Variants in KIAA1217 observed in about 807,000 individuals in gnomAD.
The protein encoded by KIAA1217 is KIAA1217, also known as sickle tail protein homolog.
In KIAA1217, 88 loss-of-function variants were observed where a neutral mutation model predicts 163.9. The observed-to-expected ratio is 0.54, with a 90% confidence interval of 0.45 to 0.64. The LOEUF (loss-of-function observed/expected upper bound fraction) is 0.64, where lower values mean the gene tolerates loss of function less well. KIAA1217 is among the 30% of genes least tolerant of loss of function. KIAA1217 has a pLI of 0.00. For missense variants in KIAA1217, 2,372 were observed against 2,475.0 expected (o/e 0.96, Z 0.88); for synonymous variants, 903 against 923.1 (o/e 0.98, Z 0.39).
chr10:24,356,419 G>A (rs921530236), intron 2 of KIAA1217, among the ~76,000 whole-genome samples: 2 of 152,234 alleles, frequency 1.3e-5, no homozygotes, highest in Non-Finnish European at 2.9e-5. Flanking sequence ...TTTGCAAAAA[G>A]CACTTAGAGC....
intron 2 of KIAA1217, among the ~76,000 whole-genome samples, chr10:24,103,798 C>T (rs1486138804): frequency 6.6e-6 from 1 of 152,188 alleles, no homozygotes; most frequent in African/African-American, 2.4e-5. Context: ...AAAGTCAAGA[C>T]ATTCCCCAAC....
At chr10:23,856,743 G>A (rs1839695373) in intron 1 of KIAA1217, among the ~76,000 whole-genome samples, 1 of 152,260 alleles carries the variant, frequency 6.6e-6, no homozygotes, top group African/African-American at 2.4e-5. Context: ...CCTCGCTGCT[G>A]CCTTGCAGTT....
intron 2 of KIAA1217, among the ~76,000 whole-genome samples, chr10:24,081,721 A>G (rs79632079): frequency 0.027 from 4,145 of 152,298 alleles, 175 homozygotes; most frequent in African/African-American, 0.095. Flanking sequence ...TGGGGAAGAA[A>G]AAAAGAATCT....
At chr10:24,440,397 G>A (rs544620528) in intron 5 of KIAA1217, among the ~76,000 whole-genome samples, 90 of 152,150 alleles carry the variant, frequency 5.9e-4, no homozygotes, top group Non-Finnish European at 1.1e-3. Flanking sequence ...CTTCACCCTG[G>A]AGTTCCATGG....
At chr10:24,089,999 A>C (rs1345494177) in intron 2 of KIAA1217, among the ~76,000 whole-genome samples, 8 of 151,720 alleles carry the variant, frequency 5.3e-5, no homozygotes, top group Non-Finnish European at 7.4e-5. Context: ...ATCCTAAGCC[A>C]AAAGAACAAA....
intron 2 of KIAA1217, among the ~76,000 whole-genome samples, chr10:24,167,514 C>A (rs2065415037): frequency 6.6e-6 from 1 of 152,058 alleles, no homozygotes. Flanking sequence ...CCTCCTGTCC[C>A]TTTCTAGCAG....
chr10:24,125,419 G>T (rs1309983933), intron 2 of KIAA1217, among the ~76,000 whole-genome samples: 1 of 151,022 alleles, frequency 6.6e-6, no homozygotes, highest in Non-Finnish European at 1.5e-5. Context: ...TTCAGACTTT[G>T]TATTGCTTCT....
intron 1 of KIAA1217, among the ~76,000 whole-genome samples, chr10:23,727,331 T>G (rs1368561844): frequency 6.8e-6 from 1 of 146,728 alleles, no homozygotes; most frequent in East Asian, 2.0e-4. Flanking sequence ...GAGGCCAAGG[T>G]GGGTGGATCA....
At position 24,218,647 on chromosome 10, in the gene KIAA1217, C is replaced by T. The variant is rs537707588; in HGVS notation, c.71-979C>T. On this transcript the variant is annotated intron_variant, in intron 1 of 20. Transcript: ENST00000376454. ...GGGACTACAGGTGCCCACCACCATGCCCAGCTAATTTTTTTGTATTTTCAG... is the reference window on the plus strand; with the variant it reads ...GGGACTACAGGTGCCCACCACCATGTCCAGCTAATTTTTTTGTATTTTCAG... Among the ~76,000 whole-genome samples, 4 of 152,154 alleles carry T rather than the reference C, an allele frequency of 2.6e-5. No individual in the cohort carries two copies. In the South Asian group the frequency reaches 6.2e-4, roughly 24 times the overall value.
In KIAA1217 at chr10:24,547,578, G is replaced by A. The variant is rs1190759907; in HGVS notation, c.*1254G>A. On this transcript the variant is annotated 3_prime_UTR_variant, in exon 21 of 21. Coordinates refer to ENST00000376454, the MANE Select transcript of KIAA1217 (RefSeq NM_019590.5). ...TAAATGTTTTTCCGCTTTGAGGGATGTAACCACATCCACTCAGAGGACACT... is the reference window on the plus strand; with the variant it reads ...TAAATGTTTTTCCGCTTTGAGGGATATAACCACATCCACTCAGAGGACACT... 3 of 152,194 alleles carry A rather than the reference G, an allele frequency of 2.0e-5. No homozygotes were observed. Among genetic ancestry groups the A allele is most frequent in the South Asian group, 2.1e-4 (1 of 4,830 alleles). 9.4% of individuals were successfully genotyped at this position (152,194 alleles called of 1,614,324 possible).
intron 2 of KIAA1217, among the ~76,000 whole-genome samples, chr10:24,364,789 C>CTT (rs5783890): frequency 6.7e-5 from 10 of 148,338 alleles, no homozygotes; most frequent in African/African-American, 1.2e-4. Context: ...TTCTTCCTTT[C>CTT]TTTTTTTTTT....
chr10:24,215,578 A>G (rs192054964), intron 1 of KIAA1217, among the ~76,000 whole-genome samples: 23 of 152,304 alleles, frequency 1.5e-4, no homozygotes, highest in Non-Finnish European at 2.9e-4. Flanking sequence ...TTGTGACTAA[A>G]TGTCCTCTGC....
chr10:24,427,920 G>A (rs1048654914), intron 3 of KIAA1217, among the ~76,000 whole-genome samples: 2 of 152,186 alleles, frequency 1.3e-5, no homozygotes, highest in Non-Finnish European at 2.9e-5. Context: ...AAAGCCAAGC[G>A]TGAAAAGACT....
At chr10:24,330,342 A>T (rs982009519) in intron 2 of KIAA1217, among the ~76,000 whole-genome samples, 1 of 152,014 alleles carries the variant, frequency 6.6e-6, no homozygotes. Flanking sequence ...TTGAAAAGCA[A>T]GGCTATGTTA....
At chr10:23,810,532 G>T (rs151020484) in intron 1 of KIAA1217, among the ~76,000 whole-genome samples, 11,412 of 129,198 alleles carry the variant, frequency 0.088, 1,651 homozygotes, top group African/African-American at 0.31. Flanking sequence ...TCTATATATA[G>T]TATATATAGT....
chr10:23,798,128 G>A (rs1836296253), intron 1 of KIAA1217, among the ~76,000 whole-genome samples: 1 of 152,142 alleles, frequency 6.6e-6, no homozygotes, highest in Non-Finnish European at 1.5e-5. Context: ...AGGTTGTAGA[G>A]GGAAAATATT....
chr10:24,260,902 G>T (rs865856902), intron 2 of KIAA1217, among the ~76,000 whole-genome samples: 3 of 152,060 alleles, frequency 2.0e-5, no homozygotes, highest in African/African-American at 7.2e-5. Flanking sequence ...GAATAGAGAC[G>T]TTTGTTCTTT....
At chr10:24,196,848 A>G (rs1026269981) in intron 2 of KIAA1217, among the ~76,000 whole-genome samples, 1 of 152,176 alleles carries the variant, frequency 6.6e-6, no homozygotes, top group Non-Finnish European at 1.5e-5. Context: ...CAGCTGTTTT[A>G]TGGGGCTCCT....
intron 1 of KIAA1217, among the ~76,000 whole-genome samples, chr10:23,864,519 C>T (rs1409496440): frequency 1.7e-4 from 9 of 52,780 alleles, no homozygotes; most frequent in South Asian, 9.0e-4. Flanking sequence ...TCAGTACACA[C>T]ACCAACACAC....
Sources: gnomAD v4.1 joint callset for allele counts (sites outside exome capture counted in the v4.1 genomes callset) on GRCh38, gnomAD v4.1.1 for gene constraint, MANE v1.5 for transcripts, NCBI Gene and HGNC (gene_info 2026-07-23, HGNC 2026-07-21) for gene names.